TFRC: variants seen among roughly 807,000 people sequenced by gnomAD.
TFRC encodes transferrin receptor.
In TFRC, 35 loss-of-function variants were observed where a neutral mutation model predicts 85.8. The ratio of observed to expected loss-of-function variants is 0.41; its 90% CI spans 0.31 to 0.54. The LOEUF (loss-of-function observed/expected upper bound fraction) is 0.54. Ranked by LOEUF, TFRC falls within the 20% of genes least tolerant of loss-of-function variation. TFRC has a pLI of 0.31. For synonymous variants in TFRC, 362 were observed against 328.6 expected, an observed-to-expected ratio of 1.10 and a Z score of -1.10; for missense variants, 828 against 921.5, an observed-to-expected ratio of 0.90 and a Z score of 1.31.
intron 13 of TFRC, chr3:196,062,295 G>A: frequency 2.8e-6 from 1 of 360,656 alleles, no homozygotes; most frequent in Middle Eastern, 8.4e-4. Context: ...GTAATCCCAG[G>A]CCGAGGCAGG....
At chr3:196,060,465 A>G in intron 13 of TFRC, 1 of 519,914 alleles carries the variant, frequency 1.9e-6, no homozygotes, top group Non-Finnish European at 3.4e-6. Flanking sequence ...CTACTCCTTG[A>G]GTTTGCATAC....
intron 9 of TFRC, among the ~76,000 whole-genome samples, 168 bp from the exon 10 acceptor site, chr3:196,065,768 G>C (rs1182495814): frequency 6.6e-6 from 1 of 151,910 alleles, no homozygotes; most frequent in Admixed American, 6.6e-5. Flanking sequence ...GAGGCAGGTG[G>C]ATCACAAGGT....
chr3:196,069,532 C>A lies in TFRC; in HGVS notation c.724G>T (p.Asp242Tyr). The change falls in exon 7 of 19, where the codon GAT becomes TAT. Residue 242 changes from aspartate (D) to tyrosine (Y), a missense_variant. Physicochemically the swap from Asp to Tyr is radical, Grantham distance 160. Transcript: ENST00000360110. ...ACAGGAGTGTATAAATCCTCAAAAT[C>A]TTTTTTAGTACCAAAATTAGCATGG... is the stretch of plus-strand genomic sequence containing the variant. ...LVHANFGTKK[D>Y]FEDLYTPVNG... The A allele has an allele frequency of 6.2e-7, 1 of 1,613,042 alleles. No homozygotes were observed. The highest frequency in any genetic ancestry group is 8.5e-7 in the Non-Finnish European group (1 of 1,179,268).
intron 17 of TFRC, 68 bp downstream of exon 17, chr3:196,055,012 G>A (rs1271726371): frequency 1.4e-6 from 2 of 1,458,330 alleles, no homozygotes; most frequent in Admixed American, 1.7e-5. Context: ...GGAACACACA[G>A]GAACACATCA....
intron 1 of TFRC, 133 bp from the exon 2 acceptor site, chr3:196,077,255 T>C (rs927245283): frequency 1.0e-5 from 6 of 598,664 alleles, no homozygotes; most frequent in East Asian, 2.8e-5. Context: ...TATTTAACCA[T>C]AGTTTACATG....
At chr3:196,057,751 A>C (rs1716923401) in intron 16 of TFRC, among the ~76,000 whole-genome samples, 1 of 149,274 alleles carries the variant, frequency 6.7e-6, no homozygotes, top group African/African-American at 2.5e-5. Context: ...ACTGCACCCC[A>C]GCCTGGGTGA....
chr3:196,054,571 T>C (rs1272625460), intron 17 of TFRC, among the ~76,000 whole-genome samples: 1 of 152,246 alleles, frequency 6.6e-6, no homozygotes, highest in Non-Finnish European at 1.5e-5. Flanking sequence ...AGATGGGATT[T>C]TGCTATGTTG....
At position 196,074,087 on chromosome 3, in the gene TFRC, C is replaced by T; in HGVS notation, c.277G>A (p.Glu93Lys). 6.2e-7 allele frequency: 1 copy of T among 1,614,076 alleles called. No homozygotes were observed. The highest frequency in any genetic ancestry group is 8.5e-7 in the Non-Finnish European group (1 of 1,179,998). Reference sequence around the variant, plus strand: ...AGTCTCTCACACTCAGTTTTTGGTTCTACCCCTTTACAATAGCCCAAGTAG... The same window carrying T: ...AGTCTCTCACACTCAGTTTTTGGTTTTACCCCTTTACAATAGCCCAAGTAG... ...IGYLGYCKGV[E>K]PKTECERLAG... is the part of the protein sequence containing the mutation. Residue 93 changes from glutamate (E) to lysine (K), a missense_variant, in exon 4 of 19, where the codon GAA becomes AAA. Coordinates refer to ENST00000360110, the MANE Select transcript of TFRC (RefSeq NM_001128148.3).
chr3:196,077,875 T>C (rs1373518300), intron 1 of TFRC, among the ~76,000 whole-genome samples: 1 of 152,174 alleles, frequency 6.6e-6, no homozygotes, highest in Non-Finnish European at 1.5e-5. Flanking sequence ...TGATCCTGAC[T>C]GAATGAATAG....
chr3:196,062,919 T>C lies in TFRC; in HGVS notation c.1339A>G (p.Ser447Gly). ...GCACTCCAACTGGCAAAGATAATGC[T>C]TCTGCTGGGCTGAAACCCATCTGAA... Reference protein sequence around the residue: ...VLKDGFQPSRSIIFASWSAGD... With the variant: ...VLKDGFQPSRGIIFASWSAGD... The change falls in exon 12 of 19, where the codon AGC becomes GGC. Residue 447 changes from serine (S) to glycine (G), a missense_variant. Transcript: ENST00000360110. The C allele has an allele frequency of 6.2e-7, 1 of 1,614,126 alleles. No individual in the cohort carries two copies. The highest frequency in any genetic ancestry group is 8.5e-7 in the Non-Finnish European group (1 of 1,180,032).
chr3:196,049,924 C>A lies in TFRC; in HGVS notation c.*2018G>T. On this transcript the variant is annotated 3_prime_UTR_variant, in exon 19 of 19. Transcript: ENST00000360110. ...CCCTATGAACTTTTCCCTAGGAGGC[C>A]GTTTCCAACTGCCCTATGACAAACA... The A allele has an allele frequency of 4.3e-6, 1 of 231,526 alleles. No individual in the cohort carries two copies. Among genetic ancestry groups the A allele is most frequent in the Non-Finnish European group, 8.6e-6 (1 of 116,906 alleles). The allele number at this position is 231,526 out of a possible 1,614,324, so 14.3% of individuals were successfully genotyped here.
chr3:196,067,207 T>C (rs1182482445), intron 9 of TFRC, among the ~76,000 whole-genome samples: 2 of 152,244 alleles, frequency 1.3e-5, no homozygotes, highest in Non-Finnish European at 2.9e-5. Context: ...ACTAACTGAA[T>C]GGGCTGCTAT....
intron 1 of TFRC, among the ~76,000 whole-genome samples, chr3:196,078,665 A>T (rs1012049651): frequency 1.3e-5 from 2 of 152,148 alleles, no homozygotes; most frequent in African/African-American, 4.8e-5. Flanking sequence ...TCAAAAAAAT[A>T]ATAAAAAAGA....
intron 11 of TFRC, 117 bp from the exon 12 acceptor site, chr3:196,063,056 CT>C (rs1717418694): frequency 1.5e-5 from 10 of 662,798 alleles, no homozygotes; most frequent in East Asian, 6.2e-5. Flanking sequence ...ATTCCAAAAT[CT>C]TTTTTTTCTG....
intron 13 of TFRC, chr3:196,060,460 CCTT>C (rs1284302768): frequency 7.5e-5 from 40 of 531,576 alleles, no homozygotes; most frequent in African/African-American, 3.5e-4. Flanking sequence ...TCGTACTACT[CCTT>C]GAGTTTGCAT....
chr3:196,071,773 G>A (rs927241489), intron 5 of TFRC, among the ~76,000 whole-genome samples: 18 of 152,144 alleles, frequency 1.2e-4, no homozygotes, highest in Non-Finnish European at 7.4e-5. Flanking sequence ...GCGTGGTGGC[G>A]TGCGCCTGTA....
At chr3:196,066,514 G>A (rs1215747774) in intron 9 of TFRC, among the ~76,000 whole-genome samples, 2 of 152,114 alleles carry the variant, frequency 1.3e-5, no homozygotes, top group Non-Finnish European at 2.9e-5. Context: ...AATAATAGCT[G>A]CTCCTAAGGG....
At chr3:196,075,105 G>C (rs1718564619) in intron 3 of TFRC, 54 bp downstream of exon 3, 1 of 1,239,258 alleles carries the variant, frequency 8.1e-7, no homozygotes, top group African/African-American at 1.5e-5. Flanking sequence ...TGACATAACA[G>C]ACTTCCCAGA....
In TFRC at chr3:196,050,063, C is replaced by A; in HGVS notation, c.*1879G>T. The A allele has an allele frequency of 4.3e-6, 1 of 231,550 alleles. No homozygotes were observed. 14.3% of individuals were successfully genotyped at this position (231,550 alleles called of 1,614,324 possible). A position where few individuals can be genotyped will look rare whatever the true frequency, so the allele number is the denominator to read the frequency against. The stretch of plus-strand genomic sequence containing the variant: ...GCAGACGTGTCAGACCTTCAGGGGA[C>A]TCTCCTTCCCCACAGCCCCCAAACC... On this transcript the variant is annotated 3_prime_UTR_variant, in exon 19 of 19. Transcript: ENST00000360110.
Sources: allele counts gnomAD v4.1 joint callset (sites outside exome capture counted in the v4.1 genomes callset), GRCh38; gene constraint gnomAD v4.1.1; transcripts MANE v1.5; gene names NCBI Gene and HGNC (gene_info 2026-07-23, HGNC 2026-07-21).